ATRN: variants seen among roughly 807,000 people sequenced by gnomAD.
ATRN encodes attractin.
A neutral mutation model predicts 178.7 loss-of-function variants in ATRN; 54 were observed. The ratio of observed to expected loss-of-function variants is 0.30; its 90% confidence interval spans 0.24 to 0.38. ATRN has a LOEUF of 0.38. Among genes scored for constraint, ATRN ranks in the 10% least tolerant of loss-of-function variants. ATRN has a pLI of 1.00. For synonymous variants in ATRN, 636 were observed against 663.0 expected (o/e 0.96, Z 0.63); for missense variants, 1,443 against 1,815.1 (o/e 0.79, Z 3.73).
At chr20:3,620,241 T>TTTTG (rs1200330071) in intron 24 of ATRN, among the ~76,000 whole-genome samples, 1 of 151,242 alleles carries the variant, frequency 6.6e-6, no homozygotes, top group African/African-American at 2.4e-5. Context: ...TTTTGTTTTG[T>TTTTG]TTTGTTTTGT....
chr20:3,537,935 T>A (rs992646415), intron 2 of ATRN, among the ~76,000 whole-genome samples: 27 of 151,110 alleles, frequency 1.8e-4, no homozygotes, highest in Non-Finnish European at 3.0e-4. Flanking sequence ...TATTATTATT[T>A]TTTTCATTTC....
chr20:3,533,787 C>G (rs778023464), intron 1 of ATRN, among the ~76,000 whole-genome samples: 7 of 151,982 alleles, frequency 4.6e-5, no homozygotes, highest in Non-Finnish European at 1.0e-4. Context: ...ACATCTATAT[C>G]TATATATGAT....
intron 3 of ATRN, among the ~76,000 whole-genome samples, chr20:3,543,908 C>G (rs2070177605): frequency 1.3e-5 from 2 of 152,110 alleles, no homozygotes; most frequent in South Asian, 2.1e-4. Context: ...GTGGTGTGTG[C>G]CTGTAGTCCC....
At chr20:3,510,231 A>G (rs529558882) in intron 1 of ATRN, among the ~76,000 whole-genome samples, 37 of 152,316 alleles carry the variant, frequency 2.4e-4, no homozygotes, top group African/African-American at 6.7e-4. Flanking sequence ...AGGGTTAGGT[A>G]TTGCATTTGA....
intron 24 of ATRN, 106 bp downstream of exon 24, chr20:3,604,368 C>A (rs2086651744): frequency 7.6e-7 from 1 of 1,320,466 alleles, no homozygotes; most frequent in Non-Finnish European, 1.0e-6. Flanking sequence ...TGCAATGTGG[C>A]TTTGCCTTTG....
rs555345570 is a variant in ATRN, at chr20:3,497,116, A to G, written c.410+25599A>G. Among the ~76,000 whole-genome samples, 503 of 149,744 alleles carry G rather than the reference A, an allele frequency of 3.4e-3. 5 individuals carry two copies. Among genetic ancestry groups the G allele is most frequent in the African/African-American group, 0.012 (482 of 40,452 alleles). ...CTGATGGGTCTTGACTCTTTATCCA[A>G]TTTGCCAGTCTGTGTCTTTTAATTG... is the stretch of plus-strand genomic sequence containing the variant. On this transcript the variant is annotated intron_variant, in intron 1 of 28. Coordinates refer to ENST00000262919, the MANE Select transcript of ATRN (RefSeq NM_139321.3).
chr20:3,562,283 C>T lies in ATRN; in HGVS notation c.1455C>T (p.Asn485=), dbSNP rs1195989108. 2 of 1,612,148 alleles carry T rather than the reference C, an allele frequency of 1.2e-6. No individual in the cohort carries two copies. The highest frequency in any genetic ancestry group is 1.7e-5 in the Admixed American group (1 of 59,772). Residue 485 remains asparagine (N), a synonymous_variant, in exon 9 of 29, where the codon AAC becomes AAT. Coordinates refer to ENST00000262919, the MANE Select transcript of ATRN (RefSeq NM_139321.3). ...ACTGTCTTTCCTTTCCAGATAAGAA[C>T]ACATGGAGTATATTACACACCCAGG... is the stretch of plus-strand genomic sequence containing the variant. The part of the protein sequence containing the change: ...SNVQEYDLDK[N]TWSILHTQGA...
chr20:3,480,488 T>G (rs1196659615), intron 1 of ATRN, among the ~76,000 whole-genome samples: 1 of 152,212 alleles, frequency 6.6e-6, no homozygotes, highest in East Asian at 1.9e-4. Context: ...AATCTCTGGA[T>G]CAAAACTTGC....
chr20:3,649,495 A>G lies in ATRN; in HGVS notation c.*2648A>G, dbSNP rs2087130882. On this transcript the variant is annotated 3_prime_UTR_variant, in exon 29 of 29. Transcript: ENST00000262919. ...TAACAAACCCAAGAAACGCATCCCC[A>G]TTGTGTGATGTGTTCAGATGCATCT... 6.6e-6 allele frequency: 1 copy of G among 152,100 alleles called. No homozygotes were observed. The highest frequency in any genetic ancestry group is 2.4e-5 in the African/African-American group (1 of 41,420). The allele number at this position is 152,100 out of a possible 1,614,324, so 9.4% of individuals were successfully genotyped here.
At chr20:3,546,308 C>T (rs1369341969) in intron 4 of ATRN, among the ~76,000 whole-genome samples, 1 of 152,110 alleles carries the variant, frequency 6.6e-6, no homozygotes, top group East Asian at 1.9e-4. Flanking sequence ...CCATTTATCC[C>T]CCCTTTTAAA....
intron 1 of ATRN, among the ~76,000 whole-genome samples, chr20:3,520,697 A>G (rs2085282393): frequency 6.6e-6 from 1 of 152,098 alleles, no homozygotes; most frequent in African/African-American, 2.4e-5. Context: ...GAGTTTCGCC[A>G]TTTTGGCCAG....
At chr20:3,584,564 T>A (rs989961531) in intron 17 of ATRN, 83 bp from the exon 18 acceptor site, 1 of 940,956 alleles carries the variant, frequency 1.1e-6, no homozygotes, top group African/African-American at 1.7e-5. Context: ...TCAAGCCAGT[T>A]GAATAGTCTG....
In ATRN at chr20:3,631,639, A is replaced by T. The variant is rs1347827400; in HGVS notation, c.3864-2672A>T. 2.0e-5 allele frequency among the ~76,000 whole-genome samples: 3 copies of T among 152,152 alleles called. No homozygotes were observed. In the East Asian group the frequency reaches 5.8e-4, roughly 29 times the overall value. On this transcript the variant is annotated intron_variant, in intron 25 of 28. Coordinates refer to ENST00000262919, the MANE Select transcript of ATRN (RefSeq NM_139321.3). ...TTGTCAACAGATCTTCACTGAATAC[A>T]GAAGGGCCCTCTCACCTTCCCTGAG...
intron 1 of ATRN, among the ~76,000 whole-genome samples, chr20:3,489,084 C>T (rs1462846356): frequency 6.6e-6 from 1 of 152,038 alleles, no homozygotes; most frequent in Non-Finnish European, 1.5e-5. Context: ...CCTCAGCCTC[C>T]CAAGTAGCTG....
chr20:3,600,510 A>G (rs1016839522), intron 22 of ATRN, among the ~76,000 whole-genome samples: 1 of 152,160 alleles, frequency 6.6e-6, no homozygotes, highest in African/African-American at 2.4e-5. Flanking sequence ...GTTTAGAATT[A>G]TATGGGTTTC....
At chr20:3,541,203 G>A (rs1478267347) in intron 3 of ATRN, among the ~76,000 whole-genome samples, 3 of 150,326 alleles carry the variant, frequency 2.0e-5, no homozygotes, top group Non-Finnish European at 3.0e-5. Context: ...TCAGCCTCCC[G>A]AGTAGCTGGG....
intron 18 of ATRN, among the ~76,000 whole-genome samples, chr20:3,585,341 G>A (rs1248545567): frequency 6.6e-6 from 1 of 152,182 alleles, no homozygotes; most frequent in Non-Finnish European, 1.5e-5. Flanking sequence ...TGTAACAACT[G>A]ATGATCATCC....
At chr20:3,635,173 G>T (rs142895615) in intron 26 of ATRN, among the ~76,000 whole-genome samples, 59 of 151,990 alleles carry the variant, frequency 3.9e-4, no homozygotes, top group African/African-American at 1.2e-3. Context: ...GGATGCAAAG[G>T]CATAAGAATG....
chr20:3,589,418 C>T (rs2086407124), intron 18 of ATRN, among the ~76,000 whole-genome samples: 2 of 149,948 alleles, frequency 1.3e-5, no homozygotes, highest in African/African-American at 4.9e-5. Flanking sequence ...TGCAAGGGCT[C>T]TAAATATTGT....
Sources: gnomAD v4.1 joint callset for allele counts (sites outside exome capture counted in the v4.1 genomes callset) on GRCh38, gnomAD v4.1.1 for gene constraint, MANE v1.5 for transcripts, NCBI Gene and HGNC (gene_info 2026-07-23, HGNC 2026-07-21) for gene names.